Variants in BANK1 observed in about 807,000 individuals in gnomAD.
The protein encoded by BANK1 is B-cell scaffold protein with ankyrin repeats.
A neutral mutation model predicts 94.5 loss-of-function variants in BANK1; 95 were observed. That is an observed-to-expected ratio of 1.00 (90% CI 0.85 to 1.19). The LOEUF is 1.19. BANK1 is among the 50% of genes most tolerant of loss of function. The pLI is 0.00. For synonymous variants in BANK1, 334 were observed against 308.4 expected (o/e 1.08, Z -0.87); for missense variants, 987 against 932.2 (o/e 1.06, Z -0.77).
chr4:102,012,043 A>G (rs912958663), intron 7 of BANK1, among the ~76,000 whole-genome samples: 1 of 152,146 alleles, frequency 6.6e-6, no homozygotes, highest in Non-Finnish European at 1.5e-5. Context: ...TATGTCTCCT[A>G]GTTTTCTTTA....
chr4:101,917,609 A>G (rs1314458509), intron 6 of BANK1, among the ~76,000 whole-genome samples: 1 of 152,010 alleles, frequency 6.6e-6, no homozygotes, highest in Non-Finnish European at 1.5e-5. Context: ...GAGGTAGAAT[A>G]TAAAATTATT....
intron 2 of BANK1, among the ~76,000 whole-genome samples, chr4:101,847,736 T>C (rs1045687221): frequency 4.0e-4 from 58 of 145,874 alleles, no homozygotes; most frequent in Admixed American, 1.6e-3. Flanking sequence ...TATTCCATCA[T>C]ACACACACAC....
chr4:102,003,826 T>C (rs1419261206), intron 7 of BANK1, among the ~76,000 whole-genome samples: 3 of 151,772 alleles, frequency 2.0e-5, no homozygotes, highest in Non-Finnish European at 4.4e-5. Flanking sequence ...TATATATATT[T>C]ACTTATGTAT....
At chr4:101,971,908 T>G (rs1215947180) in intron 7 of BANK1, among the ~76,000 whole-genome samples, 1 of 152,102 alleles carries the variant, frequency 6.6e-6, no homozygotes, top group Non-Finnish European at 1.5e-5. Flanking sequence ...TAATTTGAAG[T>G]CAGGTAGTGT....
chr4:101,914,927 T>C (rs1456876461), intron 6 of BANK1, among the ~76,000 whole-genome samples: 1 of 152,130 alleles, frequency 6.6e-6, no homozygotes, highest in Non-Finnish European at 1.5e-5. Context: ...AAACAGGACA[T>C]TTGTTTACAG....
At chr4:101,799,803 G>A (rs1273494725) in intron 1 of BANK1, among the ~76,000 whole-genome samples, 1 of 152,176 alleles carries the variant, frequency 6.6e-6, no homozygotes, top group Non-Finnish European at 1.5e-5. Context: ...GAACCTGGGA[G>A]GCGGAGCTTG....
chr4:102,017,772 T>C (rs1726760104), intron 7 of BANK1, among the ~76,000 whole-genome samples: 1 of 152,186 alleles, frequency 6.6e-6, no homozygotes, highest in Non-Finnish European at 1.5e-5. Flanking sequence ...ATAACTTTAG[T>C]TTTCTATAAT....
intron 5 of BANK1, among the ~76,000 whole-genome samples, chr4:101,891,506 C>T (rs1023825445): frequency 2.6e-5 from 4 of 151,896 alleles, no homozygotes; most frequent in African/African-American, 9.7e-5. Context: ...CAGCTTGCTC[C>T]GTCTATAGGT....
chr4:101,947,214 A>G (rs1435391199), intron 7 of BANK1, among the ~76,000 whole-genome samples: 1 of 150,104 alleles, frequency 6.7e-6, no homozygotes, highest in Non-Finnish European at 1.5e-5. Flanking sequence ...TGTACTCTAA[A>G]GAGAACCCTA....
chr4:101,987,291 CTCAT>C (rs1725545244), intron 7 of BANK1, among the ~76,000 whole-genome samples: 1 of 151,950 alleles, frequency 6.6e-6, no homozygotes, highest in Admixed American at 6.6e-5. Flanking sequence ...TGTGTGTGTA[CTCAT>C]TCAGTCTTCA....
At chr4:101,885,122 T>A (rs2148887007) in intron 5 of BANK1, among the ~76,000 whole-genome samples, 1 of 152,380 alleles carries the variant, frequency 6.6e-6, no homozygotes, top group Middle Eastern at 3.4e-3. Flanking sequence ...TTCGCCATGT[T>A]GGCAGGCTAG....
chr4:101,972,768 AC>A (rs1724998473), intron 7 of BANK1: 1 of 152,126 alleles, frequency 6.6e-6, no homozygotes, highest in African/African-American at 2.4e-5. Context: ...ATAGAACTTA[AC>A]CTTATAACAA....
At chr4:101,918,491 C>A (rs574459604) in intron 7 of BANK1, among the ~76,000 whole-genome samples, 7 of 152,046 alleles carry the variant, frequency 4.6e-5, no homozygotes, top group East Asian at 1.9e-4. Context: ...CCCCAAATTT[C>A]AGAACACTTT....
chr4:101,876,991 A>T (rs1461326687), intron 5 of BANK1, among the ~76,000 whole-genome samples: 1 of 151,452 alleles, frequency 6.6e-6, no homozygotes, highest in Non-Finnish European at 1.5e-5. Flanking sequence ...CTATTTGAAG[A>T]TATGCAGTCA....
chr4:102,049,558 TG>T (rs1268792788), intron 11 of BANK1, among the ~76,000 whole-genome samples: 1 of 152,190 alleles, frequency 6.6e-6, no homozygotes, highest in Non-Finnish European at 1.5e-5. Context: ...AAGGGTGTGT[TG>T]TTGCTCTCAC....
intron 2 of BANK1, among the ~76,000 whole-genome samples, chr4:101,837,450 G>C (rs539484140): frequency 6.2e-4 from 94 of 152,096 alleles, no homozygotes; most frequent in Non-Finnish European, 1.2e-3. Context: ...ATTGAGTTCA[G>C]GTATCTGATA....
At chr4:101,998,387 T>C (rs1386896622) in intron 7 of BANK1, among the ~76,000 whole-genome samples, 1 of 152,200 alleles carries the variant, frequency 6.6e-6, no homozygotes, top group Non-Finnish European at 1.5e-5. Context: ...GAAGAATGTA[T>C]ATTCTGTTGA....
rs538546175 is a variant in BANK1 at position 102,026,275 on chromosome 4, A to C, written c.1594+766A>C. On this transcript the variant is annotated intron_variant, in intron 9 of 16. Transcript: ENST00000322953. ...TCCAGGCTCACTCTTACAGTCACAA[A>C]TTATCATCTACTTTTTGATCATTAT... Among the ~76,000 whole-genome samples, 6 of 152,220 alleles carry C rather than the reference A, an allele frequency of 3.9e-5. No homozygotes were observed. In the South Asian group the frequency reaches 1.2e-3, roughly 32 times the overall value.
chr4:101,802,089 C>A (rs4414957), intron 1 of BANK1, among the ~76,000 whole-genome samples: 83,525 of 151,952 alleles, frequency 0.55, 23,063 homozygotes, highest in South Asian at 0.68. Context: ...TTACTTAGGT[C>A]TGTGGGCATA....
Sources: gnomAD v4.1 joint callset for allele counts (sites outside exome capture counted in the v4.1 genomes callset) on GRCh38, gnomAD v4.1.1 for gene constraint, MANE v1.5 for transcripts, NCBI Gene and HGNC (gene_info 2026-07-23, HGNC 2026-07-21) for gene names.